TTN: variants seen among roughly 807,000 people sequenced by gnomAD.
TTN encodes the protein titin, also known as connectin.
TTN carries 1,525 observed loss-of-function variants against 3,223.0 expected under a neutral mutation model. The ratio of observed to expected loss-of-function variants is 0.47; its 90% confidence interval spans 0.45 to 0.49. The LOEUF is 0.49. TTN is among the 20% of genes least tolerant of loss of function. The probability of loss-of-function intolerance (pLI) is 0.00; values close to 1 mark genes in which losing one functional copy is unlikely to be tolerated. For missense variants in TTN, 40,786 were observed against 43,424.0 expected (o/e 0.94, Z 5.40); for synonymous variants, 14,094 against 15,161.0 (o/e 0.93, Z 5.17).
chr2:178,556,455 CAAAA>C (rs1358914365), intron 330 of TTN: 4,403 of 185,798 alleles, frequency 0.024, 192 homozygotes, highest in African/African-American at 0.098. Flanking sequence ...AACAAACAAA[CAAAA>C]AAAAAAAAAC....
chr2:178,732,587 A>G lies in TTN; in HGVS notation c.16474T>C (p.Ser5492Pro). ...RWFKGNKELV[S>P]GGSCYITKEA... ...TTGGTAATATAGCAGCTTCCACCAG[A>G]AACCAGCTCTTTGTTGCCCTTAAAC... The change falls in exon 56 of 363, where the codon TCT becomes CCT. Residue 5492 changes from serine to proline, a missense_variant. Ser to Pro is a moderately conservative substitution (Grantham distance 74). Coordinates refer to ENST00000589042, the MANE Select transcript of TTN (RefSeq NM_001267550.2). The G allele has an allele frequency of 1.2e-6, 2 of 1,613,638 alleles. No homozygotes were observed. The highest frequency in any genetic ancestry group is 1.7e-6 in the Non-Finnish European group (2 of 1,179,718).
rs751359750 is a variant in TTN at position 178,552,466 on chromosome 2, A to T, written c.90434T>A (p.Ile30145Asn). 1.2e-6 allele frequency: 2 copies of T among 1,609,956 alleles called. No individual in the cohort carries two copies. The highest frequency in any genetic ancestry group is 3.3e-5 in the Admixed American group (2 of 59,910). The stretch of plus-strand genomic sequence containing the variant: ...TAATTCAAGGTGCACATTGTGCCCA[A>T]TTCTCACAGTGACTTGTGCCCCAGG... The part of the protein sequence containing the change: ...DIPGAQVTVR[I>N]GHNVHLELPY... Residue 30145 changes from isoleucine (I) to asparagine (N), a missense_variant, in exon 335 of 363, where the codon ATT (isoleucine) becomes AAT (asparagine). Coordinates refer to ENST00000589042, the MANE Select transcript of TTN (RefSeq NM_001267550.2).
chr2:178,576,605 A>G lies in TTN; in HGVS notation c.69639T>C (p.Arg23213=), dbSNP rs1487392148. 5 of 1,613,470 alleles carry G rather than the reference A, an allele frequency of 3.1e-6. No homozygotes were observed. The highest frequency in any genetic ancestry group is 2.7e-5 in the African/African-American group (2 of 74,910). Residue 23213 remains arginine, a synonymous_variant, in exon 325 of 363, where the codon CGT becomes CGC. Coordinates refer to ENST00000589042, the MANE Select transcript of TTN (RefSeq NM_001267550.2). The surrounding 1 kb of genome is among the most constrained non-coding windows in gnomAD (Gnocchi z 4.3). ...TTCCTGCTCTGTTTTCTGCACTGAC[A>G]CGGAATTCGTAGGTGCTTCCTTCTT... ...GLQEGSTYEF[R]VSAENRAGIG... is the part of the protein sequence containing the mutation.
rs1205532462 is a variant in TTN, at chr2:178,538,540, A to G, written c.99289T>C (p.Ser33097Pro). 7 of 1,605,416 alleles carry G rather than the reference A, an allele frequency of 4.4e-6. No homozygotes were observed. In the Middle Eastern group the frequency reaches 6.6e-4, roughly 152 times the overall value. The change falls in exon 354 of 363, where the codon TCT (serine) becomes CCT (proline). Residue 33097 changes from serine to proline, a missense_variant and splice_region_variant. Ser to Pro is a moderately conservative substitution (Grantham distance 74). Coordinates refer to ENST00000589042, the MANE Select transcript of TTN (RefSeq NM_001267550.2). ...AAGTAGAGAACCAAAGGCTACTTACATGTGAGTTTAGTCTTTATAGACATA... is the reference window on the plus strand; with the variant it reads ...AAGTAGAGAACCAAAGGCTACTTACGTGTGAGTTTAGTCTTTATAGACATA... The part of the protein sequence containing the change: ...TAMSIKTKLT[S>P]GEAPGIRKEM...
chr2:178,565,969 G>A lies in TTN; in HGVS notation c.80163C>T (p.Asp26721=). 1 of 1,613,590 alleles carries A rather than the reference G, an allele frequency of 6.2e-7. No homozygotes were observed. Residue 26721 remains aspartate (D), a synonymous_variant, in exon 326 of 363, where the codon GAC becomes GAT. Coordinates refer to ENST00000589042, the MANE Select transcript of TTN (RefSeq NM_001267550.2). ...GGAKVKNYVI[D]KRESTRKAYA... ...ACGCTTTTCTGGTTGACTCACGTTT[G>A]TCAATCACATAGTTCTTGACCTTTG... is the stretch of plus-strand genomic sequence containing the variant.
chr2:178,687,446 G>C (rs1447407458), intron 127 of TTN, among the ~76,000 whole-genome samples: 1 of 146,112 alleles, frequency 6.8e-6, no homozygotes, highest in Non-Finnish European at 1.5e-5. Context: ...TGAGTAACAA[G>C]TCAGTCTGAT....
intron 170 of TTN, 31 bp downstream of exon 170, chr2:178,663,788 A>C (rs2065254888): frequency 6.2e-7 from 1 of 1,611,066 alleles, no homozygotes. Context: ...CAAAAGAATG[A>C]GATCTGAAGC....
rs2068250864 is a variant in TTN, at chr2:178,677,162, T to A, written c.34378+39A>T. 2.5e-6 allele frequency: 3 copies of A among 1,191,530 alleles called. No homozygotes were observed. The East Asian group carries it at 1.0e-4, about 40-fold the overall frequency. 73.8% of individuals were successfully genotyped at this position (1,191,530 alleles called of 1,614,324 possible). ...TTCATCATAATTTATGTGACCAAGC[T>A]ATGGGTGAACAATGTGTATTCACTT... On this transcript the variant is annotated intron_variant, in intron 147 of 362. Coordinates refer to ENST00000589042, the MANE Select transcript of TTN (RefSeq NM_001267550.2).
intron 213 of TTN, among the ~76,000 whole-genome samples, chr2:178,648,038 C>T (rs371397674): frequency 2.6e-5 from 4 of 152,104 alleles, no homozygotes; most frequent in South Asian, 2.1e-4. Flanking sequence ...TCTGCCGCCA[C>T]GGATCTTGTC....
At chr2:178,760,228 G>A (rs2088681631) in intron 43 of TTN, among the ~76,000 whole-genome samples, 1 of 152,142 alleles carries the variant, frequency 6.6e-6, no homozygotes, top group African/African-American at 2.4e-5. Context: ...AGATAGTAAG[G>A]TAAAGTAGAA....
In TTN at chr2:178,610,118, T is replaced by G; in HGVS notation, c.51408A>C (p.Lys17136Asn). Residue 17136 changes from lysine (K) to asparagine (N), a missense_variant, in exon 271 of 363, where the codon AAA (lysine) becomes AAC (asparagine). Coordinates refer to ENST00000589042, the MANE Select transcript of TTN (RefSeq NM_001267550.2). ...KVGGGEYIEL[K>N]NPVIAQDPKQ... ...TTGGATCTTGAGCAATGACTGGATT[T>G]TTCAGTTCAATATATTCTCCTCCAC... 1 of 1,612,856 alleles carries G rather than the reference T, an allele frequency of 6.2e-7. No homozygotes were observed. The highest frequency in any genetic ancestry group is 8.5e-7 in the Non-Finnish European group (1 of 1,179,286).
At chr2:178,754,112 G>A (rs567404461) in intron 46 of TTN, 2 of 152,224 alleles carry the variant, frequency 1.3e-5, no homozygotes, top group African/African-American at 4.8e-5. Flanking sequence ...GGATGAGAAG[G>A]AAAGGCAGCA....
chr2:178,723,293 A>C lies in TTN; in HGVS notation c.21714T>G (p.Asp7238Glu). The C allele has an allele frequency of 3.7e-6, 6 of 1,613,074 alleles. No homozygotes were observed. Among genetic ancestry groups the C allele is most frequent in the Non-Finnish European group, 5.1e-6 (6 of 1,179,454 alleles). ...TGGACTTCCCTGGTTCTACAGAATGATCACTTAATCTCTTCAAAAATGCAG... is the reference window on the plus strand; with the variant it reads ...TGGACTTCCCTGGTTCTACAGAATGCTCACTTAATCTCTTCAAAAATGCAG... ...EPAAFLKRLS[D>E]HSVEPGKSII... is the part of the protein sequence containing the mutation. Residue 7238 changes from aspartate to glutamate, a missense_variant, in exon 75 of 363, where the codon GAT becomes GAG. Physicochemically the swap from Asp to Glu is conservative, Grantham distance 45 (BLOSUM62 2). Coordinates refer to ENST00000589042, the MANE Select transcript of TTN (RefSeq NM_001267550.2).
At chr2:178,779,602 T>C in intron 22 of TTN, 140 bp from the exon 23 acceptor site, 2 of 641,012 alleles carry the variant, frequency 3.1e-6, no homozygotes, top group South Asian at 4.1e-5. Flanking sequence ...TTTGTTTTAA[T>C]CTGCATTATG....
In TTN at chr2:178,794,982, G is replaced by A. The variant is rs372346898; in HGVS notation, c.1185C>T (p.Ala395=). 54 of 1,607,520 alleles carry A rather than the reference G, an allele frequency of 3.4e-5. 1 individual carries two copies. Among genetic ancestry groups the A allele is most frequent in the African/African-American group, 1.3e-4 (10 of 74,926 alleles). Reference sequence around the variant, plus strand: ...AGCTAGCACTGGCCGACACACTGGCGGCAGCACCCGCAGCACCACTGATGG... The same window carrying A: ...AGCTAGCACTGGCCGACACACTGGCAGCAGCACCCGCAGCACCACTGATGG... ...QVTISGAAGA[A]ASVSASASYA... The change falls in exon 7 of 363, where the codon GCC becomes GCT. Residue 395 remains alanine (A), a synonymous_variant. Transcript: ENST00000589042.
rs1413695407 is a variant in TTN, at chr2:178,664,680, C to A, written c.36176G>T (p.Arg12059Ile). 1 of 1,612,472 alleles carries A rather than the reference C, an allele frequency of 6.2e-7. No individual in the cohort carries two copies. The highest frequency in any genetic ancestry group is 8.5e-7 in the Non-Finnish European group (1 of 1,179,706). Residue 12059 changes from arginine (R) to isoleucine (I), a missense_variant, in exon 167 of 363, where the codon AGA becomes ATA. Arg to Ile is a moderately conservative substitution (Grantham distance 97). Coordinates refer to ENST00000589042, the MANE Select transcript of TTN (RefSeq NM_001267550.2). Reference protein sequence around the residue: ...PEKKTLVVPLRKPEVLPDEVP... With the variant: ...PEKKTLVVPLIKPEVLPDEVP... Reference sequence around the variant, plus strand: ...TTCATCAGGAAGGACTTCAGGCTTTCTGAGAGGAACCACAAGCGTTTTCTT... The same window carrying A: ...TTCATCAGGAAGGACTTCAGGCTTTATGAGAGGAACCACAAGCGTTTTCTT...
At position 178,629,352 on chromosome 2, in the gene TTN, A is replaced by G. The variant is rs772552324; in HGVS notation, c.44373T>C (p.Asp14791=). 13 of 1,612,938 alleles carry G rather than the reference A, an allele frequency of 8.1e-6. No homozygotes were observed. Among genetic ancestry groups the G allele is most frequent in the Non-Finnish European group, 1.1e-5 (13 of 1,179,304 alleles). The change falls in exon 240 of 363, where the codon GAT becomes GAC. Residue 14791 remains aspartate, a synonymous_variant. Transcript: ENST00000589042. ...ATFDCELSYE[D]IPVEWYLKGK... The stretch of plus-strand genomic sequence containing the variant: ...CTTTGAGATACCATTCCACTGGGAT[A>G]TCTTCGTAGGAGAGCTCGCAGTCGA...
At chr2:178,769,281 T>C (rs2091079024) in intron 37 of TTN, among the ~76,000 whole-genome samples, 2 of 151,794 alleles carry the variant, frequency 1.3e-5, no homozygotes, top group South Asian at 4.2e-4. Flanking sequence ...TGAGGCAGGT[T>C]CTCACTTTGT....
In TTN at chr2:178,672,205, T is replaced by A; in HGVS notation, c.34993A>T (p.Arg11665Ter). Reference sequence around the variant, plus strand: ...GCTTCTACTACTTCTAATTCTAGTCTTTCTTTTACTACTACTTCTTGGCGG... The same window carrying A: ...GCTTCTACTACTTCTAATTCTAGTCATTCTTTTACTACTACTTCTTGGCGG... Reference protein sequence around the residue: ...AFRQEVVVKERLELEVVEAEV... With the variant: ...AFRQEVVVKE Residue 11665 changes from arginine to a stop codon, truncating the protein, a stop_gained, in exon 155 of 363, where the codon AGA (arginine) becomes TGA (stop). Coordinates refer to ENST00000589042, the MANE Select transcript of TTN (RefSeq NM_001267550.2). LOFTEE classifies it high-confidence loss of function. 1 of 1,567,160 alleles carries A rather than the reference T, an allele frequency of 6.4e-7. No individual in the cohort carries two copies. The highest frequency in any genetic ancestry group is 8.7e-7 in the Non-Finnish European group (1 of 1,154,704).
Sources: gnomAD v4.1 joint callset for allele counts (sites outside exome capture counted in the v4.1 genomes callset) on GRCh38, gnomAD v4.1.1 for gene constraint, Gnocchi (gnomAD v3.1) non-coding constraint, MANE v1.5 for transcripts, NCBI Gene and HGNC (gene_info 2026-07-23, HGNC 2026-07-21) for gene names.